Variants in SLFN11 observed in about 807,000 individuals in gnomAD.
SLFN11 encodes the protein schlafen family member 11.
Under a neutral mutation model 53.4 loss-of-function variants are expected in SLFN11, and 43 were observed. That is an observed-to-expected ratio of 0.80 (90% CI 0.63 to 1.04). The LOEUF is 1.04. Ranked by LOEUF, SLFN11 falls within the 50% of genes least tolerant of loss-of-function variation. The pLI is 0.00. For missense variants in SLFN11, 990 were observed against 1,079.1 expected, an observed-to-expected ratio of 0.92 and a Z score of 1.16; for synonymous variants, 389 against 394.7, an observed-to-expected ratio of 0.99 and a Z score of 0.17.
At chr17:35,365,462 ATT>A (rs71366436) in intron 3 of SLFN11, among the ~76,000 whole-genome samples, 12 of 24,212 alleles carry the variant, frequency 5.0e-4, no homozygotes, top group African/African-American at 7.7e-4. Flanking sequence ...TTCTTTAAAA[ATT>A]TTTTTTTTTG....
rs746280504 is a variant in SLFN11, at chr17:35,363,688, GTC to G, written c.118_119del (p.Asp40ProfsTer28). On this transcript the variant is annotated frameshift_variant, in exon 4 of 7. Coordinates refer to ENST00000685675, the MANE Select transcript of SLFN11 (RefSeq NM_001376007.1). LOFTEE classifies it high-confidence loss of function. ...NRKKLQKIQR[D>X]QEKERVMRAA... ...CCCGCATAACTCTCTCCTTCTCTTG[GTC>G]TCTCTGAATTTTCTGCAGCTTTTTT... The G allele has an allele frequency of 1.4e-5, 22 of 1,613,686 alleles. No homozygotes were observed. The South Asian group carries it at 1.9e-4, about 14-fold the overall frequency.
At chr17:35,354,421 T>G (rs1386959376) in intron 5 of SLFN11, among the ~76,000 whole-genome samples, 6 of 152,154 alleles carry the variant, frequency 3.9e-5, no homozygotes, top group Non-Finnish European at 7.3e-5. Context: ...GTTCTCCTCC[T>G]CCCCTTTCTA....
rs764393288 is a variant in SLFN11 at position 35,363,336 on chromosome 17, G to A, written c.472C>T (p.Pro158Ser). Residue 158 changes from proline (P) to serine (S), a missense_variant, in exon 4 of 7, where the codon CCA (proline) becomes TCA (serine). Around this residue, in one of 3 missense-constraint regions of SLFN11, gnomAD observed 521 missense variants for 516.2 expected, o/e 1.01. Coordinates refer to ENST00000685675, the MANE Select transcript of SLFN11 (RefSeq NM_001376007.1). ...AAAGGTCCTTCTTCCAAGATTTTTG[G>A]CTTCCTTTTGGTCTTCAGGAAACAG... ...AFCFLKTKRK[P>S]KILEEGPFHK... is the part of the protein sequence containing the mutation. The A allele has an allele frequency of 2.5e-6, 4 of 1,613,904 alleles. No individual in the cohort carries two copies. In the South Asian group the frequency reaches 3.3e-5, roughly 13 times the overall value.
intron 1 of SLFN11, 86 bp from the exon 2 acceptor site, chr17:35,367,786 CGGTTTCCATTTATTAGCTGTAT>C (rs767595664): frequency 7.9e-5 from 12 of 152,174 alleles, no homozygotes; most frequent in South Asian, 4.1e-4. Flanking sequence ...ATTAGCTGTA[CGGTTTCCATTTATTAGCTGTAT>C]GGTTTCCATT....
At position 35,354,186 on chromosome 17, in the gene SLFN11, A is replaced by G; in HGVS notation, c.1199-127T>C. 3.0e-6 allele frequency: 2 copies of G among 665,304 alleles called. 1 individual carries two copies. The highest frequency in any genetic ancestry group is 4.2e-6 in the Non-Finnish European group (2 of 475,668). The allele number at this position is 665,304 out of a possible 1,614,324, so 41.2% of individuals were successfully genotyped here. ...AGAAGTTTCAAATACTATTTTATAA[A>G]TATTATTATATTATAGTTATAAAGG... On this transcript the variant is annotated intron_variant, in intron 5 of 6. Transcript: ENST00000685675.
chr17:35,362,671 G>A (rs1597716375), intron 4 of SLFN11, 68 bp downstream of exon 4: 2 of 1,325,196 alleles, frequency 1.5e-6, no homozygotes, highest in East Asian at 4.7e-5. Context: ...GGCAGCAAAG[G>A]AAAATTTAAT....
intron 4 of SLFN11, 83 bp downstream of exon 4, chr17:35,362,656 T>C: frequency 1.8e-6 from 2 of 1,117,280 alleles, no homozygotes; most frequent in Non-Finnish European, 2.5e-6. Context: ...ATGTTCAAAG[T>C]CATAGGCAGC....
chr17:35,353,753 C>T lies in SLFN11; in HGVS notation c.1505G>A (p.Gly502Glu), dbSNP rs748813058. The change falls in exon 6 of 7, where the codon GGG becomes GAG. Residue 502 changes from glycine to glutamate, a missense_variant. By Grantham distance (98) the Gly-to-Glu change is moderately conservative (BLOSUM62 -2). Around this residue, in one of 3 missense-constraint regions of SLFN11, gnomAD observed 156 missense variants for 241.9 expected, o/e 0.64. Transcript: ENST00000685675. ...GACACACACCTTCCCGGTGTAGCCC[C>T]CCATGTTCACTAGCTTCTGCTTCAA... ...FTLKQKLVNM[G>E]GYTGKVCVRA... 6.6e-6 allele frequency: 10 copies of T among 1,524,972 alleles called. No homozygotes were observed. The Admixed American group carries it at 1.4e-4, about 21-fold the overall frequency. 94.5% of individuals were successfully genotyped at this position (1,524,972 alleles called of 1,614,324 possible). A position where few individuals can be genotyped will look rare whatever the true frequency, so the allele number is the denominator to read the frequency against.
Position 35,352,547 on chromosome 17 carries a change from T to A in SLFN11, c.2515A>T (p.Ser839Cys). 6.2e-7 allele frequency: 1 copy of A among 1,614,174 alleles called. No individual in the cohort carries two copies. The highest frequency in any genetic ancestry group is 2.2e-5 in the East Asian group (1 of 44,884). ...TCACCCAACATATCACATGCATCAC[T>A]GAGCTGCACCACCCTTTTCTTCCTC... ...AMRKKRVVQL[S>C]DACDMLGDHI... Residue 839 changes from serine to cysteine, a missense_variant, in exon 7 of 7, where the codon AGT becomes TGT. Physicochemically the swap from Ser to Cys is moderately radical, Grantham distance 112. Transcript: ENST00000685675.
chr17:35,359,953 TA>T (rs1907994975), intron 5 of SLFN11: 1 of 303,500 alleles, frequency 3.3e-6, no homozygotes, highest in Non-Finnish European at 6.1e-6. Flanking sequence ...TGTGTCCTTT[TA>T]AAAATGACCA....
In SLFN11 at chr17:35,357,927, A is replaced by G. The variant is rs1050184192; in HGVS notation, c.1198+2316T>C. On this transcript the variant is annotated intron_variant, in intron 5 of 6. Coordinates refer to ENST00000685675, the MANE Select transcript of SLFN11 (RefSeq NM_001376007.1). Reference sequence around the variant, plus strand: ...TATATATTATATTTATATATCTATAAATAATATATATTATTTATAGATAGC... The same window carrying G: ...TATATATTATATTTATATATCTATAGATAATATATATTATTTATAGATAGC... Among the ~76,000 whole-genome samples the G allele has an allele frequency of 2.7e-5, 4 of 146,380 alleles. No individual in the cohort carries two copies. In the East Asian group the frequency reaches 7.8e-4, roughly 29 times the overall value.
In SLFN11 at chr17:35,362,935, G is replaced by C. The variant is rs777576783; in HGVS notation, c.873C>G (p.Arg291=). ...LPCVHFCQPQ[R]PITFTLKIVN... ...CAATTTTGAGTGTGAAGGTTATCGG[G>C]CGTTGGGGTTGGCAAAAATGAACAC... Residue 291 remains arginine (R), a synonymous_variant, in exon 4 of 7, where the codon CGC becomes CGG. Transcript: ENST00000685675. The C allele has an allele frequency of 6.2e-7, 1 of 1,613,666 alleles. No homozygotes were observed.
chr17:35,352,145 G>C lies in SLFN11; in HGVS notation c.*211C>G, dbSNP rs1370124002. On this transcript the variant is annotated 3_prime_UTR_variant, in exon 7 of 7. Coordinates refer to ENST00000685675, the MANE Select transcript of SLFN11 (RefSeq NM_001376007.1). ...TAGAAAACCACCATCTTTCTGGCTG[G>C]AAGAGTCAGGGGTCAGAATGGGGGG... 2.8e-5 allele frequency: 17 copies of C among 608,180 alleles called. No individual in the cohort carries two copies. Among genetic ancestry groups the C allele is most frequent in the East Asian group, 8.3e-5 (3 of 36,114 alleles). 37.7% of individuals were successfully genotyped at this position (608,180 alleles called of 1,614,324 possible). A position where few individuals can be genotyped will look rare whatever the true frequency, so the allele number is the denominator to read the frequency against.
At chr17:35,369,775 T>A (rs998544077) in intron 1 of SLFN11, among the ~76,000 whole-genome samples, 10 of 151,790 alleles carry the variant, frequency 6.6e-5, no homozygotes, top group Non-Finnish European at 1.2e-4. Context: ...CTAGAGGAAA[T>A]AAATTCTTAG....
chr17:35,352,085 C>T lies in SLFN11; in HGVS notation c.*271G>A. On this transcript the variant is annotated 3_prime_UTR_variant, in exon 7 of 7. Coordinates refer to ENST00000685675, the MANE Select transcript of SLFN11 (RefSeq NM_001376007.1). ...TGGCTTTTACCCAAAATGCAAGACACAGATCGGCATTGTGCAGGACAGCTA... is the reference window on the plus strand; with the variant it reads ...TGGCTTTTACCCAAAATGCAAGACATAGATCGGCATTGTGCAGGACAGCTA... 4.8e-6 allele frequency: 2 copies of T among 417,830 alleles called. No individual in the cohort carries two copies. Among genetic ancestry groups the T allele is most frequent in the Non-Finnish European group, 4.2e-6 (1 of 236,806 alleles). The allele number at this position is 417,830 out of a possible 1,614,324, so 25.9% of individuals were successfully genotyped here.
At chr17:35,361,378 CAG>C (rs1206069226) in intron 4 of SLFN11, among the ~76,000 whole-genome samples, 2 of 152,066 alleles carry the variant, frequency 1.3e-5, no homozygotes, top group African/African-American at 2.4e-5. Flanking sequence ...ACAGGATAAA[CAG>C]AGACACAGGA....
At position 35,356,494 on chromosome 17, in the gene SLFN11, C is replaced by T. The variant is rs150106602; in HGVS notation, c.1199-2435G>A. On this transcript the variant is annotated intron_variant, in intron 5 of 6. Transcript: ENST00000685675. ...CTTTTAAGTTTCTTGCCTATTCTTC[C>T]GAAATTACTTTATGCAAATACAAAC... is the stretch of plus-strand genomic sequence containing the variant. 5.3e-5 allele frequency among the ~76,000 whole-genome samples: 8 copies of T among 152,122 alleles called. No homozygotes were observed. In the East Asian group the frequency reaches 7.7e-4, roughly 15 times the overall value.
In SLFN11 at chr17:35,363,073, A is replaced by G. The variant is rs528342605; in HGVS notation, c.735T>C (p.Tyr245=). The stretch of plus-strand genomic sequence containing the variant: ...TCTTATCATCCACTCCAATAAAAAG[A>G]TAGCCTCCTCCAGTGTTTGCAAATG... ...VPAFANTGGG[Y]LFIGVDDKSR... The change falls in exon 4 of 7, where the codon TAT becomes TAC. Residue 245 remains tyrosine (Y), a synonymous_variant. Coordinates refer to ENST00000685675, the MANE Select transcript of SLFN11 (RefSeq NM_001376007.1). 5.8e-5 allele frequency: 94 copies of G among 1,614,072 alleles called. No individual in the cohort carries two copies. The South Asian group carries it at 9.3e-4, about 16-fold the overall frequency.
intron 1 of SLFN11, among the ~76,000 whole-genome samples, chr17:35,369,242 G>C (rs1259433219): frequency 6.6e-6 from 1 of 152,086 alleles, no homozygotes; most frequent in African/African-American, 2.4e-5. Context: ...GTCCTGAAGA[G>C]TGAGTCCCAG....
Sources: gnomAD v4.1 joint callset for allele counts (sites outside exome capture counted in the v4.1 genomes callset) on GRCh38, gnomAD v4.1.1 for gene constraint, gnomAD v4.1.1 regional missense constraint, MANE v1.5 for transcripts, NCBI Gene and HGNC (gene_info 2026-07-23, HGNC 2026-07-21) for gene names.